Variants in SEC22A observed in about 807,000 individuals in gnomAD.
The protein encoded by SEC22A is vesicle-trafficking protein SEC22a.
SEC22A carries 22 observed loss-of-function variants against 35.3 expected under a neutral mutation model. That is an observed-to-expected ratio of 0.62 (90% CI 0.45 to 0.89). The LOEUF is 0.89. SEC22A is among the 40% of genes least tolerant of loss of function. The pLI, the probability that SEC22A is intolerant of heterozygous loss-of-function variation, is 0.00. For missense variants in SEC22A, 354 were observed against 362.5 expected (o/e 0.98, Z 0.19); for synonymous variants, 119 against 129.5 (o/e 0.92, Z 0.55).
chr3:123,249,963 G>A (rs1937597780), intron 5 of SEC22A, among the ~76,000 whole-genome samples: 1 of 152,182 alleles, frequency 6.6e-6, no homozygotes, highest in South Asian at 2.1e-4. Flanking sequence ...TTATTTACAA[G>A]GGTTTTATTT....
chr3:123,203,053 CTTTTTTTTTTTTT>C (rs779433710), intron 1 of SEC22A, among the ~76,000 whole-genome samples: 73 of 43,836 alleles, frequency 1.7e-3, no homozygotes, highest in South Asian at 0.01. Context: ...TGTTTAGTGC[CTTTTTTTTTTTTT>C]TTTTTTTTTT....
At position 123,273,421 on chromosome 3, in the gene SEC22A, T is replaced by G. The variant is rs1559767757; in HGVS notation, c.*1699T>G. On this transcript the variant is annotated 3_prime_UTR_variant, in exon 7 of 7. Coordinates refer to ENST00000492595, the MANE Select transcript of SEC22A (RefSeq NM_012430.5). ...ACAAAAGTATGCATATTCTGAGAGA[T>G]ACCCCAAGGCATCACAAGATCCTGA... The G allele has an allele frequency of 6.6e-6, 1 of 152,260 alleles. No individual in the cohort carries two copies. Among genetic ancestry groups the G allele is most frequent in the Non-Finnish European group, 1.5e-5 (1 of 68,054 alleles). 9.4% of individuals were successfully genotyped at this position (152,260 alleles called of 1,614,324 possible).
intron 1 of SEC22A, among the ~76,000 whole-genome samples, chr3:123,205,083 A>T (rs556569620): frequency 6.6e-6 from 1 of 152,302 alleles, no homozygotes; most frequent in South Asian, 2.1e-4. Context: ...AATCCGTGGT[A>T]AAAAGAAAAA....
chr3:123,229,604 C>T (rs1463006864), intron 4 of SEC22A, among the ~76,000 whole-genome samples: 2 of 152,204 alleles, frequency 1.3e-5, no homozygotes, highest in African/African-American at 4.8e-5. Flanking sequence ...TGGCTTACGC[C>T]TGTAATCCCA....
At chr3:123,215,854 C>T (rs995173875) in intron 2 of SEC22A, among the ~76,000 whole-genome samples, 2 of 151,978 alleles carry the variant, frequency 1.3e-5, no homozygotes, top group African/African-American at 4.8e-5. Flanking sequence ...AGGGAAATAC[C>T]ACCCCCCTCT....
Position 123,271,393 on chromosome 3 carries a change from T to G in SEC22A, c.724-129T>G, listed in dbSNP as rs979929316. 11 of 688,194 alleles carry G rather than the reference T, an allele frequency of 1.6e-5. No homozygotes were observed. The African/African-American group carries it at 2.0e-4, about 12-fold the overall frequency. 42.6% of individuals were successfully genotyped at this position (688,194 alleles called of 1,614,324 possible). Reference sequence around the variant, plus strand: ...GTCTTAGATATATGCTACATTATCTTATCCCTAGATAAAAAATAACCTTAT... The same window carrying G: ...GTCTTAGATATATGCTACATTATCTGATCCCTAGATAAAAAATAACCTTAT... On this transcript the variant is annotated intron_variant, in intron 6 of 6. Transcript: ENST00000492595.
chr3:123,203,011 C>T (rs1445772586), intron 1 of SEC22A, among the ~76,000 whole-genome samples: 1 of 127,614 alleles, frequency 7.8e-6, no homozygotes, highest in Non-Finnish European at 1.6e-5. Context: ...ATGGGACATT[C>T]GGGTATTTCC....
At chr3:123,245,433 G>A (rs1039081836) in intron 4 of SEC22A, among the ~76,000 whole-genome samples, 1 of 152,150 alleles carries the variant, frequency 6.6e-6, no homozygotes, top group African/African-American at 2.4e-5. Flanking sequence ...AATGTCTCAT[G>A]CCTGTAATAC....
At chr3:123,238,389 G>A (rs1008556623) in intron 4 of SEC22A, among the ~76,000 whole-genome samples, 1 of 151,962 alleles carries the variant, frequency 6.6e-6, no homozygotes, top group Non-Finnish European at 1.5e-5. Context: ...GTAGAGACAG[G>A]GTTTCACCAT....
At chr3:123,212,271 G>A in intron 2 of SEC22A, among the ~76,000 whole-genome samples, 1 of 151,952 alleles carries the variant, frequency 6.6e-6, no homozygotes, top group East Asian at 1.9e-4. Flanking sequence ...ATTTAATTGG[G>A]GTTTCTGAGG....
At chr3:123,220,289 A>G (rs755468057) in intron 2 of SEC22A, among the ~76,000 whole-genome samples, 11 of 152,266 alleles carry the variant, frequency 7.2e-5, no homozygotes, top group Non-Finnish European at 1.0e-4. Context: ...TAGCTAGCCA[A>G]TTGGGAGTTC....
At chr3:123,260,429 A>G (rs1206677206) in intron 6 of SEC22A, among the ~76,000 whole-genome samples, 1 of 152,202 alleles carries the variant, frequency 6.6e-6, no homozygotes, top group Non-Finnish European at 1.5e-5. Flanking sequence ...GATAGAAAAA[A>G]ATAGACATTG....
intron 1 of SEC22A, chr3:123,208,719 CAAAA>C (rs112639427): frequency 7.4e-6 from 1 of 135,092 alleles, no homozygotes; most frequent in African/African-American, 2.8e-5. Flanking sequence ...GATGCTGTCT[CAAAA>C]AAAAAAACAA....
In SEC22A at chr3:123,224,264, G is replaced by GAA. The variant is rs78377430; in HGVS notation, c.346+553_346+554dup. On this transcript the variant is annotated intron_variant, in intron 3 of 6. Coordinates refer to ENST00000492595, the MANE Select transcript of SEC22A (RefSeq NM_012430.5). ...AGTTTGCTCAACTTCTGATGTAGAA[G>GAA]AAAAAAAAAAAACACCATGTTGTAA... Among the ~76,000 whole-genome samples the GAA allele has an allele frequency of 7.0e-3, 917 of 131,104 alleles. 9 individuals are homozygous for GAA. Among genetic ancestry groups the GAA allele is most frequent in the African/African-American group, 0.023 (848 of 36,482 alleles). 86.0% of individuals were successfully genotyped at this position (131,104 alleles called of 152,430 possible).
rs1030812477 is a variant in SEC22A at position 123,208,825 on chromosome 3, C to T, written c.-19-374C>T. The T allele has an allele frequency of 8.3e-5, 16 of 193,594 alleles. No individual in the cohort carries two copies. The Admixed American group carries it at 8.7e-4, about 11-fold the overall frequency. The allele number at this position is 193,594 out of a possible 1,614,324, so 12.0% of individuals were successfully genotyped here. On this transcript the variant is annotated intron_variant, in intron 1 of 6. Transcript: ENST00000492595. ...TTTTTTTCCTCCTGAGACGGAGTCT[C>T]ACTCTGTCGCCCAGGCTGGAGCTCA...
chr3:123,245,739 T>G (rs1284094457), intron 4 of SEC22A, among the ~76,000 whole-genome samples, 160 bp from the exon 5 acceptor site: 3 of 152,212 alleles, frequency 2.0e-5, no homozygotes, highest in Non-Finnish European at 4.4e-5. Context: ...TCAAGCATTT[T>G]TCATTTTATA....
chr3:123,255,222 T>C (rs1937700286), intron 5 of SEC22A, among the ~76,000 whole-genome samples: 1 of 152,238 alleles, frequency 6.6e-6, no homozygotes, highest in Non-Finnish European at 1.5e-5. Flanking sequence ...ACATTTTTCT[T>C]CATGACAAAT....
intron 5 of SEC22A, among the ~76,000 whole-genome samples, chr3:123,251,189 ATTTTTTTG>A (rs1391175331): frequency 1.8e-4 from 28 of 152,122 alleles, no homozygotes; most frequent in Admixed American, 1.8e-3. Flanking sequence ...ACTTAAAGAG[ATTTTTTTG>A]TTTTTTTGTT....
intron 6 of SEC22A, 104 bp from the exon 7 acceptor site, chr3:123,271,418 T>C: frequency 1.2e-6 from 1 of 841,822 alleles, no homozygotes; most frequent in South Asian, 1.7e-5. Flanking sequence ...AATAACCTTA[T>C]CCATTCTTAT....
Sources: gnomAD v4.1 joint callset for allele counts (sites outside exome capture counted in the v4.1 genomes callset) on GRCh38, gnomAD v4.1.1 for gene constraint, MANE v1.5 for transcripts, NCBI Gene and HGNC (gene_info 2026-07-23, HGNC 2026-07-21) for gene names.